Variants in RANBP2 observed in about 807,000 individuals in gnomAD.
RANBP2 encodes the protein E3 SUMO-protein ligase RanBP2.
RANBP2 carries 57 observed loss-of-function variants against 303.6 expected under a neutral mutation model. The observed-to-expected ratio is 0.19, with a 90% CI of 0.15 to 0.23. RANBP2 has a LOEUF of 0.23. Among genes scored for constraint, RANBP2 ranks in the 10% least tolerant of loss-of-function variants. The pLI is 1.00. For missense variants in RANBP2, 3,138 were observed against 3,780.8 expected, an observed-to-expected ratio of 0.83 and a Z score of 4.46; for synonymous variants, 1,167 against 1,301.5, an observed-to-expected ratio of 0.90 and a Z score of 2.23.
chr2:109,360,681 T>C, the RANBP2 span, among the ~76,000 whole-genome samples: 1 of 152,266 alleles, frequency 6.6e-6, no homozygotes, highest in Non-Finnish European at 1.5e-5. Context: ...TCCTGCAACC[T>C]TGCTATAATC....
the RANBP2 span, among the ~76,000 whole-genome samples, chr2:109,109,926 C>G: frequency 6.6e-6 from 1 of 152,078 alleles, no homozygotes. Flanking sequence ...CACGCACCCC[C>G]CACAGCCCTC....
the RANBP2 span, among the ~76,000 whole-genome samples, chr2:108,842,881 A>G: frequency 6.6e-6 from 1 of 152,150 alleles, no homozygotes; most frequent in East Asian, 1.9e-4. Flanking sequence ...TGGTATGGTC[A>G]TTTTACCGGT....
chr2:109,670,713 G>A, the RANBP2 span, among the ~76,000 whole-genome samples: 1 of 152,226 alleles, frequency 6.6e-6, no homozygotes, highest in Non-Finnish European at 1.5e-5. Flanking sequence ...CACACCTGCT[G>A]TGGGTCCAGG....
the RANBP2 span, among the ~76,000 whole-genome samples, chr2:109,548,721 A>G: frequency 1.5e-5 from 2 of 132,834 alleles, no homozygotes; most frequent in Non-Finnish European, 3.1e-5. Flanking sequence ...GGTTGCAGTG[A>G]GCCGAGATAG....
chr2:108,935,970 T>G, the RANBP2 span, among the ~76,000 whole-genome samples: 3 of 152,214 alleles, frequency 2.0e-5, no homozygotes, highest in African/African-American at 7.2e-5. Context: ...ATACTTGTCA[T>G]CACGGCTGCC....
chr2:109,350,184 G>A, the RANBP2 span, among the ~76,000 whole-genome samples: 2 of 152,208 alleles, frequency 1.3e-5, no homozygotes, highest in African/African-American at 4.8e-5. Flanking sequence ...TGGCATGTGG[G>A]GTGGGGGTAG....
the RANBP2 span, among the ~76,000 whole-genome samples, chr2:109,287,900 A>G: frequency 6.6e-6 from 1 of 152,198 alleles, no homozygotes; most frequent in Non-Finnish European, 1.5e-5. Context: ...TAGTGACCCA[A>G]TTAAGTGTGC....
At chr2:109,652,688 C>T in the RANBP2 span, among the ~76,000 whole-genome samples, 5 of 152,254 alleles carry the variant, frequency 3.3e-5, no homozygotes, top group Admixed American at 2.6e-4. Context: ...AGTTACCTAC[C>T]CATCCAGTGT....
chr2:109,681,637 C>G, the RANBP2 span, among the ~76,000 whole-genome samples: 7 of 152,208 alleles, frequency 4.6e-5, no homozygotes, highest in Non-Finnish European at 1.0e-4. Flanking sequence ...AGCACCGAGG[C>G]TGGAGAAGCA....
At chr2:109,397,364 G>A in the RANBP2 span, among the ~76,000 whole-genome samples, 1 of 152,256 alleles carries the variant, frequency 6.6e-6, no homozygotes, top group Non-Finnish European at 1.5e-5. Context: ...CAGCCTGATG[G>A]CATTTGCCTA....
the RANBP2 span, among the ~76,000 whole-genome samples, chr2:109,750,793 G>A: frequency 1.7e-5 from 1 of 60,320 alleles, no homozygotes; most frequent in Non-Finnish European, 3.2e-5. Flanking sequence ...GCGTGATCTC[G>A]TCTCACTGCA....
the RANBP2 span, among the ~76,000 whole-genome samples, chr2:109,257,386 A>AAGGGAAGGAGGGAGAGGAAGGGAAGG: frequency 6.7e-6 from 1 of 149,792 alleles, no homozygotes; most frequent in Non-Finnish European, 1.5e-5. Context: ...GAGGGAGAGG[A>AAGGGAAGGAGGGAGAGGAAGGGAAGG]AGGGAAGGAG....
At chr2:109,259,203 C>T in the RANBP2 span, among the ~76,000 whole-genome samples, 1 of 152,214 alleles carries the variant, frequency 6.6e-6, no homozygotes, top group Non-Finnish European at 1.5e-5. Context: ...GTGTAGGCTT[C>T]TCTGGCCTTC....
chr2:108,943,439 C>T, the RANBP2 span, among the ~76,000 whole-genome samples: 2 of 152,128 alleles, frequency 1.3e-5, no homozygotes, highest in Non-Finnish European at 1.5e-5. Context: ...GCAATCACAC[C>T]GTATTCATCT....
At chr2:109,040,110 C>T in the RANBP2 span, among the ~76,000 whole-genome samples, 1 of 152,252 alleles carries the variant, frequency 6.6e-6, no homozygotes, top group Non-Finnish European at 1.5e-5. Flanking sequence ...CTCTATAATG[C>T]ACCTGGAATT....
At chr2:109,541,211 A>G in the RANBP2 span, among the ~76,000 whole-genome samples, 1 of 152,232 alleles carries the variant, frequency 6.6e-6, no homozygotes, top group Admixed American at 6.5e-5. Context: ...TTCCCAGTTA[A>G]TGCAAGAACC....
At chr2:109,388,077 C>T in the RANBP2 span, among the ~76,000 whole-genome samples, 1 of 152,172 alleles carries the variant, frequency 6.6e-6, no homozygotes, top group Admixed American at 6.5e-5. Flanking sequence ...AACTCTTGAC[C>T]CCTGTGCACA....
chr2:108,835,233 T>G, the RANBP2 span, among the ~76,000 whole-genome samples: 1 of 152,232 alleles, frequency 6.6e-6, no homozygotes, highest in Non-Finnish European at 1.5e-5. Flanking sequence ...TGTTTTGACT[T>G]GTAATTTCAG....
chr2:109,737,559 C>T, the RANBP2 span: 8 of 456,732 alleles, frequency 1.8e-5, no homozygotes, highest in Admixed American at 8.1e-5. Context: ...ATCTCTTTAA[C>T]GTACTGATTT....
Sources: allele counts gnomAD v4.1 joint callset (sites outside exome capture counted in the v4.1 genomes callset), GRCh38; gene constraint gnomAD v4.1.1; transcripts MANE v1.5; gene names NCBI Gene and HGNC (gene_info 2026-07-23, HGNC 2026-07-21).